Variants in GPC5 observed in about 807,000 individuals in gnomAD.
The protein encoded by GPC5 is glypican-5.
A neutral mutation model predicts 53.9 loss-of-function variants in GPC5; 47 were observed. The observed-to-expected ratio is 0.87, with a 90% CI of 0.69 to 1.11. The LOEUF is 1.11. Among genes scored for constraint, GPC5 ranks in the 50% most tolerant of loss-of-function variants. GPC5 has a pLI of 0.00. For missense variants in GPC5, 748 were observed against 713.1 expected (o/e 1.05, Z -0.56); for synonymous variants, 286 against 263.3 (o/e 1.09, Z -0.84).
chr13:92,498,449 G>A (rs1342893448), intron 7 of GPC5, among the ~76,000 whole-genome samples: 1 of 152,054 alleles, frequency 6.6e-6, no homozygotes, highest in Non-Finnish European at 1.5e-5. Flanking sequence ...TGGCATACAT[G>A]AGCCCCTTGG....
At chr13:92,163,175 G>T (rs1015827740) in intron 7 of GPC5, among the ~76,000 whole-genome samples, 8 of 151,938 alleles carry the variant, frequency 5.3e-5, no homozygotes, top group Admixed American at 5.2e-4. Flanking sequence ...GAATAAATTT[G>T]ATGGGGCTGG....
intron 7 of GPC5, among the ~76,000 whole-genome samples, chr13:92,379,203 T>A (rs535949464): frequency 6.6e-6 from 1 of 152,312 alleles, no homozygotes; most frequent in East Asian, 1.9e-4. Context: ...CACACATTGA[T>A]GTATGCGAGG....
intron 1 of GPC5, among the ~76,000 whole-genome samples, chr13:91,438,586 C>A (rs188415051): frequency 4.6e-5 from 7 of 152,266 alleles, no homozygotes; most frequent in Admixed American, 4.6e-4. Flanking sequence ...GTGGTGCCTC[C>A]CAGTTAGGCT....
intron 7 of GPC5, among the ~76,000 whole-genome samples, chr13:92,360,129 C>T (rs1390297111): frequency 6.6e-6 from 1 of 151,638 alleles, no homozygotes; most frequent in African/African-American, 2.4e-5. Context: ...CTTTTGGCAT[C>T]TTTGCCAAAG....
intron 1 of GPC5, 136 bp downstream of exon 1, chr13:91,399,345 T>C (rs9515923): frequency 0.79 from 841,516 of 1,063,594 alleles, 334,250 homozygotes; most frequent in Middle Eastern, 0.84. Context: ...CCGGGGAGGC[T>C]TCCGGGGATG....
intron 7 of GPC5, among the ~76,000 whole-genome samples, chr13:92,662,138 C>T (rs1886367483): frequency 6.6e-6 from 1 of 152,096 alleles, no homozygotes; most frequent in Non-Finnish European, 1.5e-5. Flanking sequence ...TAGCTCTGCC[C>T]CCAGCCCATC....
intron 2 of GPC5, among the ~76,000 whole-genome samples, chr13:91,475,283 C>T (rs1594136496): frequency 6.6e-6 from 1 of 152,214 alleles, no homozygotes; most frequent in Non-Finnish European, 1.5e-5. Flanking sequence ...TAAATATATA[C>T]ACTTGAACAC....
At chr13:92,198,215 C>G (rs899134246) in intron 7 of GPC5, among the ~76,000 whole-genome samples, 1 of 152,114 alleles carries the variant, frequency 6.6e-6, no homozygotes, top group African/African-American at 2.4e-5. Context: ...CTATATATTA[C>G]CTATTTGTAT....
At chr13:91,779,006 A>G (rs763597905) in intron 5 of GPC5, among the ~76,000 whole-genome samples, 9 of 152,238 alleles carry the variant, frequency 5.9e-5, no homozygotes, top group Non-Finnish European at 1.2e-4. Context: ...GAAAAGGCAC[A>G]GTAGAAATAC....
intron 7 of GPC5, among the ~76,000 whole-genome samples, chr13:92,482,388 T>A (rs1419505826): frequency 6.6e-6 from 1 of 152,200 alleles, no homozygotes; most frequent in Non-Finnish European, 1.5e-5. Context: ...TTCCATTAGG[T>A]AGCCTGAAGA....
At chr13:92,208,968 G>T (rs1191416811) in intron 7 of GPC5, among the ~76,000 whole-genome samples, 1 of 152,066 alleles carries the variant, frequency 6.6e-6, no homozygotes, top group South Asian at 2.1e-4. Flanking sequence ...ATAAAATATA[G>T]CTTAGAGTAT....
intron 7 of GPC5, among the ~76,000 whole-genome samples, chr13:92,864,812 C>T (rs1333444334): frequency 2.6e-5 from 4 of 152,092 alleles, no homozygotes; most frequent in Admixed American, 6.6e-5. Flanking sequence ...AGCTTTGCTT[C>T]GTTTTAGTGC....
At chr13:92,798,220 G>C (rs1311728266) in intron 7 of GPC5, among the ~76,000 whole-genome samples, 3 of 151,738 alleles carry the variant, frequency 2.0e-5, no homozygotes, top group Non-Finnish European at 2.9e-5. Context: ...TTTTTTTGTA[G>C]CTCAATCAAA....
intron 7 of GPC5, among the ~76,000 whole-genome samples, chr13:92,676,510 C>A (rs60912456): frequency 6.6e-6 from 1 of 151,958 alleles, no homozygotes; most frequent in Non-Finnish European, 1.5e-5. Context: ...TAAAGAAACA[C>A]GCAAAATTAG....
chr13:92,449,078 A>G (rs1392659325), intron 7 of GPC5: 2 of 151,658 alleles, frequency 1.3e-5, no homozygotes, highest in African/African-American at 2.4e-5. Flanking sequence ...AACCATTTTT[A>G]TAGAAGCTCA....
chr13:92,238,576 G>GACACA (rs1372720949), intron 7 of GPC5, among the ~76,000 whole-genome samples: 2 of 151,920 alleles, frequency 1.3e-5, no homozygotes, highest in African/African-American at 4.8e-5. Context: ...GGAGTTATAA[G>GACACA]AGTCCTTATG....
chr13:91,507,543 C>T (rs1885008293), intron 2 of GPC5, among the ~76,000 whole-genome samples: 1 of 152,166 alleles, frequency 6.6e-6, no homozygotes, highest in East Asian at 1.9e-4. Flanking sequence ...TTCACTATCA[C>T]AAGAACAGCA....
At chr13:91,437,958 G>A (rs1358306334) in intron 1 of GPC5, among the ~76,000 whole-genome samples, 2 of 151,932 alleles carry the variant, frequency 1.3e-5, no homozygotes, top group South Asian at 2.1e-4. Context: ...GATCACATCG[G>A]CTACTGAGGC....
At chr13:91,983,039 A>C (rs2040373663) in intron 6 of GPC5, among the ~76,000 whole-genome samples, 1 of 57,584 alleles carries the variant, frequency 1.7e-5, no homozygotes, top group African/African-American at 3.5e-5. Context: ...AACTGGACTA[A>C]GAGCAACATA....
Sources: gnomAD v4.1 joint callset for allele counts (sites outside exome capture counted in the v4.1 genomes callset) on GRCh38, gnomAD v4.1.1 for gene constraint, MANE v1.5 for transcripts, NCBI Gene and HGNC (gene_info 2026-07-23, HGNC 2026-07-21) for gene names.